Variants in EPHB1 observed in about 807,000 individuals in gnomAD.
EPHB1 encodes EPH receptor B1.
A neutral mutation model predicts 94.4 loss-of-function variants in EPHB1; 30 were observed. The ratio of observed to expected loss-of-function variants is 0.32; its 90% CI spans 0.24 to 0.43. The LOEUF (loss-of-function observed/expected upper bound fraction) is 0.43. Ranked by LOEUF, EPHB1 falls within the 20% of genes least tolerant of loss-of-function variation. The pLI is 1.00. For missense variants in EPHB1, 1,055 were observed against 1,308.3 expected (o/e 0.81, Z 2.99); for synonymous variants, 522 against 489.1 (o/e 1.07, Z -0.89).
At chr3:134,995,202 C>T (rs1335332107) in intron 3 of EPHB1, among the ~76,000 whole-genome samples, 1 of 152,188 alleles carries the variant, frequency 6.6e-6, no homozygotes, top group East Asian at 1.9e-4. Flanking sequence ...TTTGTCATTA[C>T]AAGGTGCTGT....
chr3:135,037,006 G>A (rs867209962), intron 3 of EPHB1, among the ~76,000 whole-genome samples: 1 of 152,236 alleles, frequency 6.6e-6, no homozygotes, highest in Middle Eastern at 3.4e-3. Flanking sequence ...ATAGACTACC[G>A]AGAAGATAGA....
rs571689562 is a variant in EPHB1, at chr3:134,982,369, AAGG to A, written c.805+30323_805+30325del. On this transcript the variant is annotated intron_variant, in intron 3 of 15. Coordinates refer to ENST00000398015, the MANE Select transcript of EPHB1 (RefSeq NM_004441.5). ...TAGAGAAAAGCAAAGAAGGAAAAAG[AAGG>A]AGGAGTGAAGGAGGAGGAGAGAGGA... is the stretch of plus-strand genomic sequence containing the variant. Among the ~76,000 whole-genome samples, 684 of 152,156 alleles carry A rather than the reference AAGG, an allele frequency of 4.5e-3. 2 individuals are homozygous for A. Among genetic ancestry groups the A allele is most frequent in the Non-Finnish European group, 6.8e-3 (465 of 67,942 alleles).
intron 1 of EPHB1, among the ~76,000 whole-genome samples, chr3:134,848,157 C>T (rs899792181): frequency 1.3e-5 from 2 of 152,116 alleles, no homozygotes; most frequent in African/African-American, 2.4e-5. Context: ...TGAAATGAAA[C>T]TGGATTAAAC....
rs987535706 is a variant in EPHB1 at position 135,259,174 on chromosome 3, G to T, written c.*54G>T. On this transcript the variant is annotated 3_prime_UTR_variant, in exon 16 of 16. Transcript: ENST00000398015. Reference sequence around the variant, plus strand: ...AGGGAAAAGGACCAGGGTCAAGGGGGACCAGAGGTTGACCACTGTGGAATG... The same window carrying T: ...AGGGAAAAGGACCAGGGTCAAGGGGTACCAGAGGTTGACCACTGTGGAATG... 5 of 1,400,856 alleles carry T rather than the reference G, an allele frequency of 3.6e-6. No homozygotes were observed. The highest frequency in any genetic ancestry group is 2.4e-5 in the East Asian group (1 of 41,336). 86.8% of individuals were successfully genotyped at this position (1,400,856 alleles called of 1,614,324 possible). A position where few individuals can be genotyped will look rare whatever the true frequency, so the allele number is the denominator to read the frequency against.
intron 1 of EPHB1, among the ~76,000 whole-genome samples, chr3:134,812,893 C>T (rs1027916828): frequency 3.3e-5 from 5 of 152,126 alleles, no homozygotes; most frequent in South Asian, 2.1e-4. Context: ...ATATATTCTC[C>T]GATGAAATGG....
chr3:135,006,190 G>T (rs758713205), intron 3 of EPHB1, among the ~76,000 whole-genome samples: 12 of 152,192 alleles, frequency 7.9e-5, no homozygotes, highest in African/African-American at 2.7e-4. Flanking sequence ...GTACAGCAGT[G>T]TAAGAACGGA....
In EPHB1 at chr3:135,106,615, G is replaced by T; in HGVS notation, c.961+12G>T. ...AGTGGCATGCACTAGTAAGTGTCTA[G>T]TAATGGCTCTGGGCTGGGGAGTTTG... On this transcript the variant is annotated intron_variant, in intron 4 of 15. Coordinates refer to ENST00000398015, the MANE Select transcript of EPHB1 (RefSeq NM_004441.5). 6.2e-7 allele frequency: 1 copy of T among 1,613,908 alleles called. No individual in the cohort carries two copies. Among genetic ancestry groups the T allele is most frequent in the Non-Finnish European group, 8.5e-7 (1 of 1,179,800 alleles).
chr3:134,835,628 T>G (rs1212705978), intron 1 of EPHB1, among the ~76,000 whole-genome samples: 5 of 152,160 alleles, frequency 3.3e-5, no homozygotes, highest in Non-Finnish European at 7.3e-5. Flanking sequence ...GCAGTCTGGC[T>G]CCAAAGCCTA....
chr3:135,139,694 C>T (rs1940751983), intron 5 of EPHB1, among the ~76,000 whole-genome samples: 1 of 152,190 alleles, frequency 6.6e-6, no homozygotes. Flanking sequence ...GTGCAGGACC[C>T]TCAGCTGGGC....
intron 3 of EPHB1, among the ~76,000 whole-genome samples, chr3:135,007,068 A>C (rs971556926): frequency 6.6e-6 from 1 of 152,188 alleles, no homozygotes; most frequent in Non-Finnish European, 1.5e-5. Flanking sequence ...CTAGAGGCAA[A>C]AGGAAGGCTG....
intron 1 of EPHB1, among the ~76,000 whole-genome samples, chr3:134,886,072 G>T (rs536623379): frequency 6.6e-6 from 1 of 152,322 alleles, no homozygotes; most frequent in East Asian, 1.9e-4. Context: ...CTCAGCAGCA[G>T]TTAAAGTTAG....
At chr3:135,228,625 T>C (rs1943457606) in intron 12 of EPHB1, among the ~76,000 whole-genome samples, 1 of 152,202 alleles carries the variant, frequency 6.6e-6, no homozygotes, top group Non-Finnish European at 1.5e-5. Flanking sequence ...GGCACTTTAA[T>C]ATTCTTAATA....
intron 1 of EPHB1, among the ~76,000 whole-genome samples, chr3:134,849,960 A>G (rs2036947295): frequency 6.6e-6 from 1 of 152,094 alleles, no homozygotes; most frequent in Non-Finnish European, 1.5e-5. Flanking sequence ...GAGGACCACC[A>G]CCTGCCCATG....
chr3:135,218,199 G>T (rs1029454327), intron 12 of EPHB1, among the ~76,000 whole-genome samples: 6 of 152,102 alleles, frequency 3.9e-5, no homozygotes, highest in African/African-American at 1.4e-4. Context: ...ATAAAACTGA[G>T]TCCTGGTCCC....
chr3:135,052,172 A>G (rs918219435), intron 3 of EPHB1, among the ~76,000 whole-genome samples: 1 of 152,224 alleles, frequency 6.6e-6, no homozygotes, highest in African/African-American at 2.4e-5. Context: ...TGGTCAGAGC[A>G]GATATCAAAC....
At chr3:135,212,126 T>C (rs1943047110) in intron 12 of EPHB1, among the ~76,000 whole-genome samples, 1 of 152,210 alleles carries the variant, frequency 6.6e-6, no homozygotes, top group South Asian at 2.1e-4. Context: ...TTTTTTCTAA[T>C]AATTGTATGT....
intron 5 of EPHB1, among the ~76,000 whole-genome samples, chr3:135,134,506 T>G (rs1940543488): frequency 1.3e-5 from 2 of 152,102 alleles, no homozygotes; most frequent in South Asian, 4.2e-4. Context: ...TGTGTGTTCA[T>G]GTGGTGTGTT....
At chr3:134,994,338 C>T (rs1349341480) in intron 3 of EPHB1, among the ~76,000 whole-genome samples, 1 of 152,226 alleles carries the variant, frequency 6.6e-6, no homozygotes, top group Non-Finnish European at 1.5e-5. Flanking sequence ...TCCCCTCTCC[C>T]TGTCTGCACT....
intron 4 of EPHB1, among the ~76,000 whole-genome samples, chr3:135,123,866 C>G (rs1940084898): frequency 6.6e-6 from 1 of 151,666 alleles, no homozygotes; most frequent in Non-Finnish European, 1.5e-5. Context: ...TCACCTCTCC[C>G]CTAGATGACT....
Sources: allele counts gnomAD v4.1 joint callset (sites outside exome capture counted in the v4.1 genomes callset), GRCh38; gene constraint gnomAD v4.1.1; transcripts MANE v1.5; gene names NCBI Gene and HGNC (gene_info 2026-07-23, HGNC 2026-07-21).